The following MTCL1 variants were observed in gnomAD, a reference collection of about 807,000 sequenced individuals.
MTCL1 encodes the protein microtubule cross-linking factor 1.
A neutral mutation model predicts 141.4 loss-of-function variants in MTCL1; 79 were observed. The ratio of observed to expected loss-of-function variants is 0.56; its 90% confidence interval spans 0.47 to 0.67. MTCL1 has a LOEUF of 0.67. Among genes scored for constraint, MTCL1 ranks in the 30% least tolerant of loss-of-function variants. MTCL1 has a pLI of 0.00. For missense variants in MTCL1, 2,177 were observed against 2,113.9 expected (o/e 1.03, Z -0.59); for synonymous variants, 914 against 875.8 (o/e 1.04, Z -0.77).
intron 10 of MTCL1, among the ~76,000 whole-genome samples, chr18:8,798,635 A>G (rs915807566): frequency 1.3e-5 from 2 of 152,228 alleles, no homozygotes; most frequent in Non-Finnish European, 2.9e-5. Context: ...ATAACGTACA[A>G]GGAGCAAAGG....
intron 1 of MTCL1, among the ~76,000 whole-genome samples, chr18:8,708,196 A>G (rs1206195956): frequency 6.6e-6 from 1 of 152,218 alleles, no homozygotes; most frequent in Non-Finnish European, 1.5e-5. Flanking sequence ...GGCTCTTAGC[A>G]TAACCCCTGA....
At chr18:8,761,666 G>T (rs538057964) in intron 4 of MTCL1, among the ~76,000 whole-genome samples, 60 of 152,188 alleles carry the variant, frequency 3.9e-4, no homozygotes, top group Non-Finnish European at 8.8e-5. Flanking sequence ...AGTTCCACAT[G>T]GCTGGGGAGA....
chr18:8,764,239 T>A (rs1301264056), intron 4 of MTCL1, among the ~76,000 whole-genome samples: 2 of 152,130 alleles, frequency 1.3e-5, no homozygotes, highest in Non-Finnish European at 2.9e-5. Context: ...TAATATTGCT[T>A]TTTATGGTTA....
intron 4 of MTCL1, among the ~76,000 whole-genome samples, chr18:8,757,478 G>T (rs776455135): frequency 6.6e-6 from 1 of 152,156 alleles, no homozygotes; most frequent in East Asian, 1.9e-4. Flanking sequence ...TTTCCATAAA[G>T]TTTTTATAGA....
chr18:8,789,401 AG>A (rs1348636872), intron 7 of MTCL1: 2 of 985,026 alleles, frequency 2.0e-6, no homozygotes, highest in Non-Finnish European at 2.4e-6. Flanking sequence ...TAGCATTGCT[AG>A]GCACTCTAGT....
intron 9 of MTCL1, among the ~76,000 whole-genome samples, chr18:8,797,178 C>G (rs2075955789): frequency 2.0e-5 from 3 of 152,220 alleles, no homozygotes. Context: ...CCATCTCATT[C>G]AACCTTGCTG....
intron 10 of MTCL1, among the ~76,000 whole-genome samples, chr18:8,804,632 A>T (rs1050680450): frequency 6.6e-6 from 1 of 152,188 alleles, no homozygotes; most frequent in Non-Finnish European, 1.5e-5. Context: ...CAGAGTTATT[A>T]AAGTAAAAAT....
At chr18:8,710,700 T>TG (rs1416191586) in intron 1 of MTCL1, among the ~76,000 whole-genome samples, 1 of 151,518 alleles carries the variant, frequency 6.6e-6, no homozygotes, top group Non-Finnish European at 1.5e-5. Context: ...TTTTCCCTCT[T>TG]GCAATCATGT....
chr18:8,760,500 A>G (rs910853021), intron 4 of MTCL1, among the ~76,000 whole-genome samples: 1 of 152,176 alleles, frequency 6.6e-6, no homozygotes, highest in African/African-American at 2.4e-5. Flanking sequence ...GGGTGGCCCC[A>G]CTCACCTGCT....
intron 12 of MTCL1, among the ~76,000 whole-genome samples, chr18:8,818,412 CAAAT>C (rs1173931062): frequency 4.6e-5 from 7 of 151,972 alleles, no homozygotes; most frequent in Non-Finnish European, 8.8e-5. Context: ...TGTATCCTCT[CAAAT>C]AAAGTGTAAG....
intron 4 of MTCL1, among the ~76,000 whole-genome samples, chr18:8,727,896 C>CTCT (rs1491418970): frequency 1.7e-5 from 1 of 60,260 alleles, no homozygotes. Flanking sequence ...CCCTCCCTCC[C>CTCT]TCTCTCTCTC....
At chr18:8,759,384 A>G (rs745725494) in intron 4 of MTCL1, among the ~76,000 whole-genome samples, 1 of 152,230 alleles carries the variant, frequency 6.6e-6, no homozygotes, top group Non-Finnish European at 1.5e-5. Context: ...TTTGGAAAGA[A>G]TCCTGTTGAT....
intron 4 of MTCL1, among the ~76,000 whole-genome samples, chr18:8,753,189 A>G (rs967338221): frequency 6.6e-6 from 1 of 152,238 alleles, no homozygotes; most frequent in African/African-American, 2.4e-5. Context: ...ACGTTTTCAT[A>G]AAATGCTAAA....
chr18:8,784,374 T>C (rs2143537682), exon 6 of MTCL1: 1 of 1,527,800 alleles, frequency 6.5e-7, no homozygotes. Flanking sequence ...TCGGAGGAAA[T>C]GTTTGAGAAG....
rs1255903771 is a variant in MTCL1 at position 8,705,941 on chromosome 18, C to G, written c.281C>G (p.Pro94Arg). 9.1e-7 allele frequency: 1 copy of G among 1,093,330 alleles called. No homozygotes were observed. Among genetic ancestry groups the G allele is most frequent in the Admixed American group, 5.2e-5 (1 of 19,330 alleles). 67.7% of individuals were successfully genotyped at this position (1,093,330 alleles called of 1,614,324 possible). A position where few individuals can be genotyped will look rare whatever the true frequency, so the allele number is the denominator to read the frequency against. Residue 94 changes from proline to arginine, a missense_variant, in exon 1 of 14, where the codon CCC (proline) becomes CGC (arginine). Pro to Arg is a moderately radical substitution (Grantham distance 103). Coordinates refer to the MTCL1 transcript ENST00000306329. The surrounding 1 kb of genome is among the most constrained non-coding windows in gnomAD (Gnocchi z 5.2). ...CCCTCGCCGGGGTCCCTGGCCGCGC[C>G]CGGCCGCCTCTCTCGGCGCAGTGGC... is the stretch of plus-strand genomic sequence containing the variant.
intron 3 of MTCL1, 103 bp from the exon 3 acceptor site, chr18:8,720,235 T>C: frequency 9.5e-7 from 1 of 1,051,800 alleles, no homozygotes; most frequent in Non-Finnish European, 1.4e-6. Flanking sequence ...TGCTATGTGG[T>C]GTAATATATT....
chr18:8,765,576 A>G (rs1032633634), intron 4 of MTCL1, among the ~76,000 whole-genome samples: 7 of 152,340 alleles, frequency 4.6e-5, no homozygotes, highest in South Asian at 2.1e-4. Flanking sequence ...GTCCTCGGGA[A>G]GAAGTGGACC....
intron 10 of MTCL1, among the ~76,000 whole-genome samples, chr18:8,799,997 G>T (rs2076060940): frequency 6.6e-6 from 1 of 152,208 alleles, no homozygotes; most frequent in African/African-American, 2.4e-5. Flanking sequence ...GCGGGGTGGG[G>T]TCCAGACACT....
At chr18:8,706,556 C>T in exon 1 of MTCL1, 2 of 1,409,176 alleles carry the variant, frequency 1.4e-6, no homozygotes, top group Non-Finnish European at 9.2e-7. Flanking sequence ...CCCGGCGTGG[C>T]GGAGGATGTC....
Sources: allele counts gnomAD v4.1 joint callset (sites outside exome capture counted in the v4.1 genomes callset), GRCh38; gene constraint gnomAD v4.1.1; non-coding constraint Gnocchi (gnomAD v3.1); transcripts MANE v1.5; gene names NCBI Gene and HGNC (gene_info 2026-07-23, HGNC 2026-07-21).